PICK1: variants seen among roughly 807,000 people sequenced by gnomAD.
The protein encoded by PICK1 is protein interacting with PRKCA 1, also known as PRKCA-binding protein.
PICK1 carries 23 observed loss-of-function variants against 48.9 expected under a neutral mutation model. The observed-to-expected ratio is 0.47, with a 90% CI of 0.34 to 0.67. The LOEUF (loss-of-function observed/expected upper bound fraction) is 0.67, where lower values mean the gene tolerates loss of function less well. Ranked by LOEUF, PICK1 falls within the 30% of genes least tolerant of loss-of-function variation. PICK1 has a pLI of 0.01. For synonymous variants in PICK1, 217 were observed against 228.2 expected, an observed-to-expected ratio of 0.95 and a Z score of 0.44; for missense variants, 423 against 557.1, an observed-to-expected ratio of 0.76 and a Z score of 2.42.
At chr22:38,061,159 T>G (rs1208904269) in intron 3 of PICK1, among the ~76,000 whole-genome samples, 1 of 152,022 alleles carries the variant, frequency 6.6e-6, no homozygotes, top group Non-Finnish European at 1.5e-5. Flanking sequence ...TTGGCCAACA[T>G]GGTGAAACCC....
intron 2 of PICK1, 59 bp downstream of exon 2, chr22:38,057,909 C>A: frequency 7.3e-7 from 1 of 1,362,556 alleles, no homozygotes; most frequent in Non-Finnish European, 1.1e-6. Flanking sequence ...CCTCATTTCC[C>A]TGGACTTCCC....
chr22:38,065,325 T>C, intron 4 of PICK1, 195 bp downstream of exon 4: 1 of 602,984 alleles, frequency 1.7e-6, no homozygotes, highest in Non-Finnish European at 3.1e-6. Flanking sequence ...CTAATCGTGC[T>C]CCAGGACTTG....
intron 4 of PICK1, 137 bp downstream of exon 4, chr22:38,065,267 G>A (rs190718813): frequency 9.8e-6 from 8 of 819,086 alleles, no homozygotes; most frequent in African/African-American, 5.1e-5. Flanking sequence ...GCAGGGTCAG[G>A]GTCACACTCC....
chr22:38,060,499 T>G (rs748271764), intron 3 of PICK1, among the ~76,000 whole-genome samples: 7 of 152,170 alleles, frequency 4.6e-5, no homozygotes, highest in Non-Finnish European at 7.4e-5. Context: ...CTGGCCTCTG[T>G]GAGGATCTTG....
intron 3 of PICK1, among the ~76,000 whole-genome samples, chr22:38,061,078 A>G (rs1371574929): frequency 6.6e-6 from 1 of 152,026 alleles, no homozygotes; most frequent in Non-Finnish European, 1.5e-5. Context: ...GCGGTGGCTC[A>G]CACCTGTAAT....
rs768329778 is a variant in PICK1, at chr22:38,068,097, AG to A, written c.349+330del. The A allele has an allele frequency of 4.5e-4, 227 of 502,528 alleles. 2 individuals carry two copies. The highest frequency in any genetic ancestry group is 3.4e-3 in the South Asian group (220 of 64,836). 31.1% of individuals were successfully genotyped at this position (502,528 alleles called of 1,614,324 possible). On this transcript the variant is annotated intron_variant, in intron 5 of 12. Transcript: ENST00000356976. ...GCCAGCGCCTCGGCTTCCATGGCCC[AG>A]GGCCTCACTCTTCATAAAGGGAGAG... is the stretch of plus-strand genomic sequence containing the variant.
intron 3 of PICK1, among the ~76,000 whole-genome samples, chr22:38,062,574 C>T (rs925425388): frequency 2.0e-5 from 3 of 152,094 alleles, no homozygotes; most frequent in African/African-American, 4.8e-5. Context: ...GTTTTCCGCC[C>T]TGTAGTCTCT....
intron 3 of PICK1, among the ~76,000 whole-genome samples, chr22:38,063,050 C>T (rs1458781007): frequency 2.0e-5 from 3 of 152,108 alleles, no homozygotes; most frequent in Non-Finnish European, 4.4e-5. Context: ...AGGGCGTCAT[C>T]GGGAACACCA....
In PICK1 at chr22:38,074,977, G is replaced by A; in HGVS notation, c.1093G>A (p.Ala365Thr). The change falls in exon 13 of 13, where the codon GCG becomes ACG. Residue 365 changes from alanine (A) to threonine (T), a missense_variant. Coordinates refer to ENST00000356976, the MANE Select transcript of PICK1 (RefSeq NM_012407.4). The surrounding 1 kb of genome is among the most constrained non-coding windows in gnomAD (Gnocchi z 4.5). ...ADVFPIEVDL[A>T]HTTLAYGLNQ... ...CGTCTTCCCCATCGAGGTAGACCTG[G>A]CGCACACCACATTGGCCTATGGCCT... is the stretch of plus-strand genomic sequence containing the variant. 1 of 1,613,748 alleles carries A rather than the reference G, an allele frequency of 6.2e-7. No homozygotes were observed. The highest frequency in any genetic ancestry group is 8.5e-7 in the Non-Finnish European group (1 of 1,180,024).
At chr22:38,057,370 A>G (rs1018373344), upstream of PICK1, 7 of 217,418 alleles carry the variant, frequency 3.2e-5, no homozygotes, top group African/African-American at 1.6e-4. Flanking sequence ...GTGGGGGGAA[A>G]GCCGGGACTT....
In PICK1 at chr22:38,073,841, T is replaced by A. The variant is rs1481796742; in HGVS notation, c.834+18T>A. 11 of 1,560,026 alleles carry A rather than the reference T, an allele frequency of 7.1e-6. No individual in the cohort carries two copies. The Admixed American group carries it at 1.7e-4, about 24-fold the overall frequency. ...GCTGCATTGTGAGTGTTGGAGGGGG[T>A]GGGGGGCTTGTACTTCCCCCCACCT... On this transcript the variant is annotated intron_variant, in intron 11 of 12. Transcript: ENST00000356976. This position sits in a 1 kb window ranked among gnomAD's most constrained non-coding sequence, Gnocchi z 5.7.
intron 1 of PICK1, 64 bp from the exon 2 acceptor site, chr22:38,057,689 G>C: frequency 1.3e-6 from 1 of 796,938 alleles, no homozygotes; most frequent in Admixed American, 1.9e-5. Context: ...GGAGGGAGGG[G>C]TGGCGTTGGC....
chr22:38,063,711 C>T (rs1206890821), intron 3 of PICK1, among the ~76,000 whole-genome samples: 1 of 146,018 alleles, frequency 6.8e-6, no homozygotes, highest in Non-Finnish European at 1.5e-5. Flanking sequence ...GACGGGATCT[C>T]AGCTCACTGC....
rs779155286 is a variant in PICK1 at position 38,073,730 on chromosome 22, TG to T, written c.784-38del. The T allele has an allele frequency of 7.1e-5, 112 of 1,578,246 alleles. 1 individual carries two copies. Among genetic ancestry groups the T allele is most frequent in the South Asian group, 1.0e-4 (9 of 90,324 alleles). ...TGGGGGTGGAGCTGGGGACCTGGGGTGGGGGTAGTAGCCACTCTGACAGCCT... is the reference window on the plus strand; with the variant it reads ...TGGGGGTGGAGCTGGGGACCTGGGGTGGGGTAGTAGCCACTCTGACAGCCT... On this transcript the variant is annotated intron_variant, in intron 10 of 12. Coordinates refer to ENST00000356976, the MANE Select transcript of PICK1 (RefSeq NM_012407.4). This position sits in a 1 kb window ranked among gnomAD's most constrained non-coding sequence, Gnocchi z 5.7.
Position 38,065,034 on chromosome 22 carries a change from C to T in PICK1, c.186C>T (p.Gly62=). Residue 62 remains glycine, a synonymous_variant, in exon 4 of 13, where the codon GGC becomes GGT. Transcript: ENST00000356976. ...VFDNTPAALD[G]TVAAGDEITG... Reference sequence around the variant, plus strand: ...ACAACACCCCAGCAGCCTTGGACGGCACAGTGGCAGCTGGCGATGAGATCA... The same window carrying T: ...ACAACACCCCAGCAGCCTTGGACGGTACAGTGGCAGCTGGCGATGAGATCA... 6.2e-7 allele frequency: 1 copy of T among 1,614,116 alleles called. No homozygotes were observed. Among genetic ancestry groups the T allele is most frequent in the Non-Finnish European group, 8.5e-7 (1 of 1,179,992 alleles).
intron 4 of PICK1, 82 bp downstream of exon 4, chr22:38,065,212 C>T: frequency 1.0e-5 from 15 of 1,443,942 alleles, no homozygotes; most frequent in Non-Finnish European, 1.2e-5. Context: ...TCCCAGCAGG[C>T]CTGGAAGGGG....
At chr22:38,072,401 G>C in intron 8 of PICK1, 76 bp from the exon 9 acceptor site, 1 of 1,568,392 alleles carries the variant, frequency 6.4e-7, no homozygotes, top group Non-Finnish European at 8.6e-7. Flanking sequence ...CCCCTGCCCT[G>C]CTTCTCCCCA....
intron 3 of PICK1, 54 bp from the exon 4 acceptor site, chr22:38,064,948 G>T (rs1166799578): frequency 3.7e-6 from 6 of 1,607,290 alleles, no homozygotes; most frequent in Admixed American, 1.7e-5. Flanking sequence ...GTCTTCCCAG[G>T]TTCCATCTTA....
intron 3 of PICK1, among the ~76,000 whole-genome samples, chr22:38,059,755 G>A (rs559087429): frequency 1.3e-5 from 2 of 152,282 alleles, no homozygotes; most frequent in East Asian, 1.9e-4. Context: ...TGAAATAATG[G>A]CCTGAGTTCA....
Sources: allele counts gnomAD v4.1 joint callset (sites outside exome capture counted in the v4.1 genomes callset), GRCh38; gene constraint gnomAD v4.1.1; non-coding constraint Gnocchi (gnomAD v3.1); transcripts MANE v1.5; gene names NCBI Gene and HGNC (gene_info 2026-07-23, HGNC 2026-07-21).